The following NEGR1 variants were observed in gnomAD, a reference collection of about 807,000 sequenced individuals.
NEGR1 encodes the protein neuronal growth regulator 1, also known as IgLON family member 4.
NEGR1 carries 10 observed loss-of-function variants against 40.9 expected under a neutral mutation model. That is an observed-to-expected ratio of 0.24 (90% CI 0.15 to 0.42). The LOEUF is 0.42. Ranked by LOEUF, NEGR1 falls within the 10% of genes least tolerant of loss-of-function variation. The pLI, the probability that NEGR1 is intolerant of heterozygous loss-of-function variation, is 1.00. For synonymous variants in NEGR1, 185 were observed against 166.8 expected (o/e 1.11, Z -0.84); for missense variants, 352 against 438.9 (o/e 0.80, Z 1.77).
rs144548052 is a variant in NEGR1 at position 71,815,637 on chromosome 1, G to A, written c.410-39340C>T. On this transcript the variant is annotated intron_variant, in intron 2 of 6. Coordinates refer to ENST00000357731, the MANE Select transcript of NEGR1 (RefSeq NM_173808.3). ...TAGGTTACTTAGTTCTTCTTGTTGA[G>A]TTGATCTCTTTACCATTATGTATTA... Among the ~76,000 whole-genome samples the A allele has an allele frequency of 6.1e-3, 927 of 151,978 alleles. 10 individuals carry two copies. Among genetic ancestry groups the A allele is most frequent in the African/African-American group, 0.021 (882 of 41,480 alleles).
intron 2 of NEGR1, among the ~76,000 whole-genome samples, chr1:71,888,455 C>CGGA (rs987679134): frequency 2.6e-5 from 4 of 151,862 alleles, no homozygotes; most frequent in African/African-American, 9.7e-5. Flanking sequence ...AAAGGGGTGA[C>CGGA]GGACGCACCT....
intron 6 of NEGR1, among the ~76,000 whole-genome samples, chr1:71,521,906 G>A (rs1410922859): frequency 6.6e-6 from 1 of 151,890 alleles, no homozygotes; most frequent in Non-Finnish European, 1.5e-5. Context: ...TAACATGGGG[G>A]ATGAGATTTG....
intron 1 of NEGR1, among the ~76,000 whole-genome samples, chr1:72,267,755 C>T (rs1655697238): frequency 6.6e-6 from 1 of 151,148 alleles, no homozygotes; most frequent in Admixed American, 6.6e-5. Flanking sequence ...GTCCCTTACA[C>T]ATATTTCAAC....
At chr1:71,682,109 G>T (rs1652858877) in intron 4 of NEGR1, among the ~76,000 whole-genome samples, 1 of 152,140 alleles carries the variant, frequency 6.6e-6, no homozygotes, top group Admixed American at 6.5e-5. Flanking sequence ...TTACAGGCAT[G>T]AGCCACCACA....
At chr1:71,703,342 C>T (rs1288394668) in intron 3 of NEGR1, 6 of 151,354 alleles carry the variant, frequency 4.0e-5, no homozygotes, top group Non-Finnish European at 8.8e-5. Context: ...AAAAAAAATC[C>T]AACACTCTTT....
At chr1:71,556,933 TA>T (rs1159857537) in intron 6 of NEGR1, among the ~76,000 whole-genome samples, 37 of 151,784 alleles carry the variant, frequency 2.4e-4, no homozygotes, top group African/African-American at 8.7e-4. Context: ...TCAACAGATG[TA>T]AAATTTTTAT....
intron 2 of NEGR1, among the ~76,000 whole-genome samples, chr1:71,849,874 T>C (rs553933760): frequency 6.6e-6 from 1 of 152,152 alleles, no homozygotes; most frequent in Non-Finnish European, 1.5e-5. Context: ...GATACAATGG[T>C]ACTACACACT....
intron 1 of NEGR1, among the ~76,000 whole-genome samples, chr1:71,975,031 A>G (rs1646289614): frequency 1.3e-5 from 2 of 152,236 alleles, no homozygotes; most frequent in Admixed American, 1.3e-4. Context: ...AACATTAGGA[A>G]AAGATATATC....
At chr1:71,720,607 G>A (rs913569685) in intron 3 of NEGR1, among the ~76,000 whole-genome samples, 1 of 152,082 alleles carries the variant, frequency 6.6e-6, no homozygotes, top group Non-Finnish European at 1.5e-5. Context: ...ACAAGTCCTA[G>A]TTCCACCATT....
chr1:71,781,357 A>G (rs890559479), intron 2 of NEGR1, among the ~76,000 whole-genome samples: 13 of 152,242 alleles, frequency 8.5e-5, no homozygotes, highest in Non-Finnish European at 1.9e-4. Flanking sequence ...GTCAGGTCAC[A>G]CATGATATTA....
chr1:71,898,995 T>TAGC (rs1553173481), intron 2 of NEGR1, among the ~76,000 whole-genome samples: 1 of 77,152 alleles, frequency 1.3e-5, no homozygotes, highest in Non-Finnish European at 3.1e-5. Flanking sequence ...TATATATATA[T>TAGC]ATATATATAT....
intron 1 of NEGR1, among the ~76,000 whole-genome samples, chr1:72,007,366 T>C (rs1424247114): frequency 2.7e-5 from 4 of 150,508 alleles, no homozygotes; most frequent in Admixed American, 2.0e-4. Context: ...TTCTGAAAAA[T>C]ACATATATGA....
At chr1:71,678,959 A>C (rs1026790627) in intron 4 of NEGR1, among the ~76,000 whole-genome samples, 1 of 152,156 alleles carries the variant, frequency 6.6e-6, no homozygotes, top group Non-Finnish European at 1.5e-5. Context: ...TATCCTGAAG[A>C]ATGGAAAACC....
chr1:71,734,022 C>T (rs927646818), intron 3 of NEGR1, among the ~76,000 whole-genome samples: 2 of 152,128 alleles, frequency 1.3e-5, no homozygotes, highest in Non-Finnish European at 2.9e-5. Context: ...TCATAAAAGA[C>T]CCCAGGCTTC....
chr1:72,176,925 A>T (rs938483949), intron 1 of NEGR1, among the ~76,000 whole-genome samples: 5 of 151,076 alleles, frequency 3.3e-5, no homozygotes, highest in African/African-American at 1.2e-4. Context: ...ATCTGGGAAT[A>T]GTAAGGAGTC....
intron 1 of NEGR1, among the ~76,000 whole-genome samples, chr1:72,092,991 TTTGAATATTTTACA>T (rs1323708981): frequency 6.6e-6 from 1 of 152,062 alleles, no homozygotes; most frequent in Non-Finnish European, 1.5e-5. Context: ...CTAATTTTAC[TTTGAATATTTTACA>T]AGCCTTGTAC....
At chr1:71,943,965 A>G (rs2100256764) in intron 1 of NEGR1, among the ~76,000 whole-genome samples, 1 of 152,368 alleles carries the variant, frequency 6.6e-6, no homozygotes, top group South Asian at 2.1e-4. Context: ...AAGGTGTTAC[A>G]AATTTGAGTG....
chr1:71,888,795 C>T (rs1324257540), intron 2 of NEGR1, among the ~76,000 whole-genome samples: 7 of 31,484 alleles, frequency 2.2e-4, no homozygotes. Flanking sequence ...CAGCAGTAAC[C>T]TCTGCAGACT....
chr1:72,260,240 A>C (rs1381296131), intron 1 of NEGR1, among the ~76,000 whole-genome samples: 1 of 152,032 alleles, frequency 6.6e-6, no homozygotes, highest in Non-Finnish European at 1.5e-5. Flanking sequence ...AGCTTCCCGC[A>C]AAGGGTTTTT....
Sources: allele counts gnomAD v4.1 joint callset (sites outside exome capture counted in the v4.1 genomes callset), GRCh38; gene constraint gnomAD v4.1.1; transcripts MANE v1.5; gene names NCBI Gene and HGNC (gene_info 2026-07-23, HGNC 2026-07-21).